The following HEMK2 variants were observed in gnomAD, a reference collection of about 807,000 sequenced individuals.
The protein encoded by HEMK2 is methyltransferase HEMK2.
the HEMK2 span, among the ~76,000 whole-genome samples, chr21:28,613,133 T>C: frequency 6.6e-6 from 1 of 151,518 alleles, no homozygotes; most frequent in Non-Finnish European, 1.5e-5. Context: ...GATCTACAGA[T>C]AGATAGATAC....
the HEMK2 span, chr21:28,743,259 A>C: frequency 6.6e-6 from 1 of 152,206 alleles, no homozygotes; most frequent in Non-Finnish European, 1.5e-5. Flanking sequence ...CGCCAGGATG[A>C]CATGCACATT....
chr21:28,771,010 C>G, the HEMK2 span, among the ~76,000 whole-genome samples: 1 of 152,012 alleles, frequency 6.6e-6, no homozygotes, highest in African/African-American at 2.4e-5. Flanking sequence ...GATTAAAACA[C>G]ACACACACAC....
At chr21:28,819,913 T>G in the HEMK2 span, among the ~76,000 whole-genome samples, 11 of 152,162 alleles carry the variant, frequency 7.2e-5, no homozygotes, top group Non-Finnish European at 1.3e-4. Context: ...TACTTTTATC[T>G]CACCTAAGGT....
the HEMK2 span, among the ~76,000 whole-genome samples, chr21:28,760,275 C>T: frequency 1.3e-5 from 2 of 152,162 alleles, no homozygotes; most frequent in Non-Finnish European, 2.9e-5. Context: ...AGTCAATTAT[C>T]AGGAATATCA....
chr21:28,614,851 T>C, the HEMK2 span, among the ~76,000 whole-genome samples: 1 of 152,222 alleles, frequency 6.6e-6, no homozygotes, highest in South Asian at 2.1e-4. Context: ...TGGTTCTCTT[T>C]TTGAGTTTCA....
the HEMK2 span, among the ~76,000 whole-genome samples, chr21:28,744,788 T>C: frequency 6.6e-6 from 1 of 152,220 alleles, no homozygotes; most frequent in Admixed American, 6.5e-5. Flanking sequence ...ATGTAAACTA[T>C]ATAAAACCAT....
the HEMK2 span, among the ~76,000 whole-genome samples, chr21:28,748,125 G>A: frequency 6.6e-6 from 1 of 152,156 alleles, no homozygotes; most frequent in South Asian, 2.1e-4. Context: ...AGGAGAGAGG[G>A]ACAGGAGCAA....
At chr21:28,816,772 C>T in the HEMK2 span, among the ~76,000 whole-genome samples, 2 of 152,236 alleles carry the variant, frequency 1.3e-5, no homozygotes, top group East Asian at 3.9e-4. Flanking sequence ...TCCTAAAATG[C>T]TGCGCAAAGA....
the HEMK2 span, among the ~76,000 whole-genome samples, chr21:28,884,365 G>T: frequency 6.6e-6 from 1 of 152,180 alleles, no homozygotes; most frequent in Admixed American, 6.5e-5. Flanking sequence ...GGAGAAATAT[G>T]ACCAAGTTTA....
the HEMK2 span, among the ~76,000 whole-genome samples, chr21:28,816,308 G>T: frequency 3.9e-4 from 59 of 152,332 alleles, no homozygotes; most frequent in Admixed American, 1.6e-3. Context: ...TGGAAATTTA[G>T]AATGTCAGTG....
At chr21:28,762,879 A>AAGAGAATGGACTAAG in the HEMK2 span, among the ~76,000 whole-genome samples, 1 of 152,120 alleles carries the variant, frequency 6.6e-6, no homozygotes. Context: ...GTTATAGCAA[A>AAGAGAATGGACTAAG]AGAGAATGGA....
the HEMK2 span, chr21:28,878,065 G>C: frequency 1.3e-6 from 1 of 773,456 alleles, no homozygotes; most frequent in Non-Finnish European, 1.9e-6. Flanking sequence ...ATTAGCTACT[G>C]TCAGTGATTA....
chr21:28,641,806 C>A, the HEMK2 span, among the ~76,000 whole-genome samples: 2 of 152,138 alleles, frequency 1.3e-5, no homozygotes, highest in African/African-American at 4.8e-5. Context: ...AGAACTGGAC[C>A]AGGGATGGAT....
At chr21:28,700,123 TCTCTTC>T in the HEMK2 span, among the ~76,000 whole-genome samples, 3 of 152,088 alleles carry the variant, frequency 2.0e-5, no homozygotes, top group Non-Finnish European at 4.4e-5. Context: ...TGTCCCCATC[TCTCTTC>T]CTCTTCCCAA....
At chr21:28,748,298 T>A in the HEMK2 span, among the ~76,000 whole-genome samples, 3 of 152,342 alleles carry the variant, frequency 2.0e-5, no homozygotes, top group Non-Finnish European at 2.9e-5. Flanking sequence ...ACATTGAAAT[T>A]ATTTTTAAAA....
chr21:28,811,294 A>AAAGGGAAGGG, the HEMK2 span, among the ~76,000 whole-genome samples: 1 of 146,702 alleles, frequency 6.8e-6, no homozygotes, highest in South Asian at 2.2e-4. Flanking sequence ...AGAAAAGAAG[A>AAAGGGAAGGG]AAGGGAAGGG....
the HEMK2 span, among the ~76,000 whole-genome samples, chr21:28,755,889 C>G: frequency 6.6e-6 from 1 of 152,112 alleles, no homozygotes; most frequent in Non-Finnish European, 1.5e-5. Flanking sequence ...TACCCTTATA[C>G]CTATATGCAC....
chr21:28,841,011 T>A, the HEMK2 span, among the ~76,000 whole-genome samples: 2 of 114,432 alleles, frequency 1.7e-5, no homozygotes, highest in Admixed American at 1.4e-4. Context: ...ATATTATATA[T>A]ATAATATATA....
chr21:28,857,354 G>T, the HEMK2 span, among the ~76,000 whole-genome samples: 1 of 151,994 alleles, frequency 6.6e-6, no homozygotes, highest in Admixed American at 6.5e-5. Context: ...TTTTGTAAAT[G>T]TTCAATGAAC....
Sources: allele counts gnomAD v4.1 joint callset (sites outside exome capture counted in the v4.1 genomes callset), GRCh38; gene constraint gnomAD v4.1.1; transcripts MANE v1.5; gene names NCBI Gene and HGNC (gene_info 2026-07-23, HGNC 2026-07-21).